The following POU2AF2 variants were observed in gnomAD, a reference collection of about 807,000 sequenced individuals.
POU2AF2 encodes POU class 2 homeobox associating factor 2, also known as POU domain class 2-associating factor 2.
the POU2AF2 span, among the ~76,000 whole-genome samples, chr11:111,262,869 T>C: frequency 6.6e-6 from 1 of 152,260 alleles, no homozygotes; most frequent in African/African-American, 2.4e-5. Flanking sequence ...ATTTCCACTA[T>C]AGTGAAGCAA....
the POU2AF2 span, among the ~76,000 whole-genome samples, chr11:111,277,175 G>C: frequency 2.6e-5 from 4 of 152,150 alleles, no homozygotes; most frequent in Non-Finnish European, 5.9e-5. Context: ...AATATACATG[G>C]TAAAATTGTA....
chr11:111,256,559 G>A, the POU2AF2 span, among the ~76,000 whole-genome samples: 4 of 152,224 alleles, frequency 2.6e-5, no homozygotes, highest in African/African-American at 9.6e-5. Flanking sequence ...GGCCCTTGCC[G>A]GGAACCAGTC....
At chr11:111,260,065 C>A in the POU2AF2 span, among the ~76,000 whole-genome samples, 1 of 152,218 alleles carries the variant, frequency 6.6e-6, no homozygotes, top group Non-Finnish European at 1.5e-5. Flanking sequence ...GGACCTATTT[C>A]TGTCCCTGTT....
the POU2AF2 span, among the ~76,000 whole-genome samples, chr11:111,253,487 C>T: frequency 6.6e-6 from 1 of 152,134 alleles, no homozygotes; most frequent in African/African-American, 2.4e-5. Context: ...TTGAGATTCA[C>T]CCTTGAATCT....
the POU2AF2 span, among the ~76,000 whole-genome samples, chr11:111,249,311 C>T: frequency 6.6e-6 from 1 of 152,088 alleles, no homozygotes; most frequent in Middle Eastern, 3.4e-3. Flanking sequence ...TATCATTCCT[C>T]TCCAAAAAAA....
chr11:111,279,038 G>A, the POU2AF2 span, among the ~76,000 whole-genome samples: 4 of 152,150 alleles, frequency 2.6e-5, no homozygotes, highest in African/African-American at 9.7e-5. Context: ...AAAGAGCTCG[G>A]ATTCAATGAA....
the POU2AF2 span, chr11:111,286,108 G>A: frequency 1.3e-6 from 2 of 1,585,396 alleles, no homozygotes; most frequent in South Asian, 1.2e-5. Flanking sequence ...GTATTCCAAA[G>A]ATTGTTTTAG....
the POU2AF2 span, among the ~76,000 whole-genome samples, chr11:111,282,761 T>C: frequency 4.6e-5 from 7 of 152,198 alleles, no homozygotes; most frequent in Non-Finnish European, 1.0e-4. Flanking sequence ...CAGGCACTTA[T>C]ATCTTCTCCC....
the POU2AF2 span, among the ~76,000 whole-genome samples, chr11:111,276,034 C>A: frequency 6.6e-6 from 1 of 151,918 alleles, no homozygotes; most frequent in Admixed American, 6.6e-5. Context: ...AAAGTTCTAA[C>A]ATGTATCTAA....
the POU2AF2 span, among the ~76,000 whole-genome samples, chr11:111,276,453 A>AAAAAAAAAAATATAT: frequency 2.7e-4 from 10 of 37,668 alleles, no homozygotes; most frequent in African/African-American, 5.8e-4. Context: ...AAAAAAAAAA[A>AAAAAAAAAAATATAT]ATATATATAT....
At chr11:111,279,515 C>T in the POU2AF2 span, among the ~76,000 whole-genome samples, 3 of 152,188 alleles carry the variant, frequency 2.0e-5, no homozygotes, top group South Asian at 6.2e-4. Context: ...CACTGGTGAT[C>T]CTCGATGTTC....
the POU2AF2 span, among the ~76,000 whole-genome samples, chr11:111,274,291 T>A: frequency 6.6e-6 from 1 of 152,160 alleles, no homozygotes; most frequent in African/African-American, 2.4e-5. Flanking sequence ...TATCACTGAC[T>A]TTTGTGTTTA....
chr11:111,284,839 T>G, the POU2AF2 span, among the ~76,000 whole-genome samples: 1 of 152,118 alleles, frequency 6.6e-6, no homozygotes, highest in African/African-American at 2.4e-5. Flanking sequence ...TCCCCACATT[T>G]TTAGCCTAAA....
chr11:111,276,453 A>AAAAAAAAAAAAAATATAT, the POU2AF2 span, among the ~76,000 whole-genome samples: 3 of 37,672 alleles, frequency 8.0e-5, no homozygotes, highest in African/African-American at 2.9e-4. Flanking sequence ...AAAAAAAAAA[A>AAAAAAAAAAAAAATATAT]ATATATATAT....
At chr11:111,250,740 C>G in the POU2AF2 span, among the ~76,000 whole-genome samples, 2 of 152,292 alleles carry the variant, frequency 1.3e-5, no homozygotes, top group Middle Eastern at 6.8e-3. Context: ...GAAATATGTT[C>G]TCCTTGAGAA....
At chr11:111,263,024 G>T in the POU2AF2 span, among the ~76,000 whole-genome samples, 1 of 151,894 alleles carries the variant, frequency 6.6e-6, no homozygotes. Context: ...CTGATACTTA[G>T]TTACTTTTTG....
the POU2AF2 span, chr11:111,286,139 C>T: frequency 6.7e-7 from 1 of 1,496,626 alleles, no homozygotes. Context: ...CCATTCAGGA[C>T]TGGATTTTCA....
the POU2AF2 span, among the ~76,000 whole-genome samples, chr11:111,268,477 T>TTTTTTTA: frequency 3.9e-5 from 3 of 77,528 alleles, no homozygotes; most frequent in African/African-American, 6.9e-5. Flanking sequence ...CATTTTTCTT[T>TTTTTTTA]TTTTATTTTA....
At chr11:111,259,944 T>C in the POU2AF2 span, among the ~76,000 whole-genome samples, 1 of 152,216 alleles carries the variant, frequency 6.6e-6, no homozygotes, top group Admixed American at 6.5e-5. Context: ...CTTTAGACAT[T>C]TGCATGAATT....
Sources: allele counts gnomAD v4.1 joint callset (sites outside exome capture counted in the v4.1 genomes callset), GRCh38; gene constraint gnomAD v4.1.1; transcripts MANE v1.5; gene names NCBI Gene and HGNC (gene_info 2026-07-23, HGNC 2026-07-21).